The following ATRX variants were observed in gnomAD, a reference collection of about 807,000 sequenced individuals.
The protein encoded by ATRX is chromatin remodeler ATRX.
A neutral mutation model predicts 172.6 loss-of-function variants in ATRX; 12 were observed. The observed-to-expected ratio is 0.07, with a 90% confidence interval of 0.04 to 0.11. The LOEUF (loss-of-function observed/expected upper bound fraction) is 0.11, where lower values mean the gene tolerates loss of function less well. Ranked by LOEUF, ATRX falls within the 10% of genes least tolerant of loss-of-function variation. The pLI is 1.00. For missense variants in ATRX, 1,368 were observed against 1,767.4 expected, an observed-to-expected ratio of 0.77 and a Z score of 4.05; for synonymous variants, 674 against 594.7, an observed-to-expected ratio of 1.13 and a Z score of -1.94.
At chrX:77,663,663 G>A (rs1007096704) in intron 11 of ATRX, 105 bp from the exon 12 acceptor site, 3 of 638,141 alleles carry the variant, frequency 4.7e-6, no homozygotes, top group Non-Finnish European at 7.3e-6. Context: ...AAAAATCAGA[G>A]TTAGACACAT....
At chrX:77,573,410 G>A (rs113188547) in intron 28 of ATRX, among the ~76,000 whole-genome samples, 1 of 111,553 alleles carries the variant, frequency 9.0e-6, no homozygotes, top group Non-Finnish European at 1.9e-5. Flanking sequence ...TGGTTGTTAA[G>A]CAACATATGA....
intron 1 of ATRX, among the ~76,000 whole-genome samples, chrX:77,776,566 CT>C (rs781962494): frequency 1.8e-5 from 2 of 111,999 alleles, no homozygotes; most frequent in African/African-American, 6.5e-5. Flanking sequence ...TCATCAGTGA[CT>C]TTTTTTAAAA....
intron 30 of ATRX, among the ~76,000 whole-genome samples, chrX:77,553,639 C>T (rs2064647610): frequency 9.0e-6 from 1 of 111,588 alleles, no homozygotes; most frequent in Non-Finnish European, 1.9e-5. Flanking sequence ...ACTTATCATG[C>T]CATGTTATGC....
intron 1 of ATRX, among the ~76,000 whole-genome samples, chrX:77,779,706 T>G (rs1332412710): frequency 8.9e-6 from 1 of 112,546 alleles, no homozygotes; most frequent in East Asian, 2.8e-4. Flanking sequence ...GTGCCATGCC[T>G]GGCCCCAAAT....
At position 77,772,894 on chromosome X, in the gene ATRX, C is replaced by A. The variant is rs1475176736; in HGVS notation, c.20+13088G>T. On this transcript the variant is annotated intron_variant, in intron 1 of 34. Coordinates refer to ENST00000373344, the MANE Select transcript of ATRX (RefSeq NM_000489.6). ...ACGGGGTCTTGCTCTGTCTCCCAGG[C>A]TAGAGTACAGTGGTATAATCATAGC... is the stretch of plus-strand genomic sequence containing the variant. Among the ~76,000 whole-genome samples, 4 of 104,225 alleles carry A rather than the reference C, an allele frequency of 3.8e-5. No individual in the cohort carries two copies. In the East Asian group the frequency reaches 1.2e-3, roughly 31 times the overall value. 90.5% of individuals were successfully genotyped at this position (104,225 alleles called of 115,157 possible).
chrX:77,738,241 G>T (rs1487046584), intron 1 of ATRX, among the ~76,000 whole-genome samples: 1 of 107,660 alleles, frequency 9.3e-6, no homozygotes, highest in African/African-American at 3.4e-5. Flanking sequence ...AGGCTGAGGT[G>T]GGAAGATTGC....
intron 2 of ATRX, among the ~76,000 whole-genome samples, chrX:77,712,743 C>T (rs1047920152): frequency 6.3e-5 from 7 of 111,608 alleles, no homozygotes; most frequent in Non-Finnish European, 1.1e-4. Context: ...ACAGGAGAAT[C>T]GCTTGAACCC....
At chrX:77,599,922 G>T in intron 23 of ATRX, 102 bp from the exon 24 acceptor site, 1 of 674,522 alleles carries the variant, frequency 1.5e-6, no homozygotes, top group Non-Finnish European at 2.3e-6. Context: ...CACGAGCTGA[G>T]GAAGGACTGA....
intron 1 of ATRX, among the ~76,000 whole-genome samples, chrX:77,775,171 A>C (rs935406768): frequency 1.8e-5 from 2 of 111,992 alleles, no homozygotes; most frequent in Non-Finnish European, 3.8e-5. Context: ...ATTCAGAAAA[A>C]TAATAATAGA....
intron 1 of ATRX, among the ~76,000 whole-genome samples, chrX:77,766,184 C>T (rs1284057159): frequency 2.7e-5 from 3 of 109,788 alleles, no homozygotes; most frequent in East Asian, 2.9e-4. Context: ...CATCATGGCC[C>T]GTTCTCAATG....
At chrX:77,710,380 G>GTGTTTC (rs1402431662) in intron 2 of ATRX, among the ~76,000 whole-genome samples, 6 of 110,250 alleles carry the variant, frequency 5.4e-5, no homozygotes, top group Non-Finnish European at 1.1e-4. Context: ...GGGACCAGAA[G>GTGTTTC]TGTTTCAAAT....
chrX:77,743,635 T>C (rs2074962647), intron 1 of ATRX, among the ~76,000 whole-genome samples: 1 of 111,587 alleles, frequency 9.0e-6, no homozygotes, highest in African/African-American at 3.3e-5. Flanking sequence ...CTGGATCTCA[T>C]TGTAACCACT....
At chrX:77,554,122 T>C (rs1438527389) in intron 30 of ATRX, among the ~76,000 whole-genome samples, 1 of 110,966 alleles carries the variant, frequency 9.0e-6, no homozygotes, top group Non-Finnish European at 1.9e-5. Context: ...CTGGCCAACA[T>C]GGTGAAACCC....
chrX:77,735,882 T>C (rs1311200145), intron 1 of ATRX, among the ~76,000 whole-genome samples: 2 of 108,870 alleles, frequency 1.8e-5, no homozygotes, highest in Non-Finnish European at 3.8e-5. Flanking sequence ...TGGGCTCTTG[T>C]AATCCCAGCT....
At chrX:77,574,433 C>T (rs1602608010) in intron 27 of ATRX, 75 bp from the exon 28 acceptor site, 2 of 732,586 alleles carry the variant, frequency 2.7e-6, no homozygotes, top group African/African-American at 4.2e-5. Context: ...GATTTTCCAC[C>T]TTGCTCATCA....
At chrX:77,648,166 G>A (rs968738191) in intron 15 of ATRX, among the ~76,000 whole-genome samples, 2 of 111,790 alleles carry the variant, frequency 1.8e-5, no homozygotes, top group Non-Finnish European at 3.8e-5. Context: ...AGGAGAAAGA[G>A]ATGAATTAAC....
At chrX:77,756,047 C>T (rs782007692) in intron 1 of ATRX, among the ~76,000 whole-genome samples, 21 of 112,034 alleles carry the variant, frequency 1.9e-4, no homozygotes, top group African/African-American at 6.5e-4. Flanking sequence ...GATGCCCTGC[C>T]CAGAGAGGAA....
At chrX:77,718,530 C>A in intron 1 of ATRX, among the ~76,000 whole-genome samples, 1 of 108,729 alleles carries the variant, frequency 9.2e-6, no homozygotes, top group Middle Eastern at 4.8e-3. Context: ...CCCGCCACCA[C>A]GCCCGGCTAA....
chrX:77,732,838 G>A (rs781886272), intron 1 of ATRX, among the ~76,000 whole-genome samples: 3 of 111,350 alleles, frequency 2.7e-5, no homozygotes, highest in South Asian at 3.8e-4. Context: ...AAAACTGAAC[G>A]CCTTTCCTCT....
Sources: gnomAD v4.1 joint callset for allele counts (sites outside exome capture counted in the v4.1 genomes callset) on GRCh38, gnomAD v4.1.1 for gene constraint, MANE v1.5 for transcripts, NCBI Gene and HGNC (gene_info 2026-07-23, HGNC 2026-07-21) for gene names.